BCLAF1: variants seen among roughly 807,000 people sequenced by gnomAD.
The protein encoded by BCLAF1 is BCL2 associated transcription factor 1, also known as bcl-2-associated transcription factor 1.
A neutral mutation model predicts 99.5 loss-of-function variants in BCLAF1; 10 were observed. That is an observed-to-expected ratio of 0.10 (90% CI 0.06 to 0.17). BCLAF1 has a LOEUF of 0.17. Ranked by LOEUF, BCLAF1 falls within the 10% of genes least tolerant of loss-of-function variation. BCLAF1 has a pLI of 1.00. For synonymous variants in BCLAF1, 255 were observed against 370.9 expected (o/e 0.69, Z 3.59); for missense variants, 636 against 1,105.8 (o/e 0.58, Z 6.02).
chr6:136,270,799 T>G (rs1389463274), intron 8 of BCLAF1, among the ~76,000 whole-genome samples: 1 of 151,814 alleles, frequency 6.6e-6, no homozygotes, highest in Non-Finnish European at 1.5e-5. Flanking sequence ...CAAAATCTGG[T>G]CTATGTAATG....
intron 6 of BCLAF1, 69 bp downstream of exon 6, chr6:136,275,463 A>C: frequency 7.2e-7 from 1 of 1,388,378 alleles, no homozygotes; most frequent in Non-Finnish European, 9.6e-7. Context: ...ATTATTAAGC[A>C]TAATTACACA....
At chr6:136,272,131 A>G in intron 7 of BCLAF1, 52 bp from the exon 8 acceptor site, 5 of 1,270,224 alleles carry the variant, frequency 3.9e-6, no homozygotes, top group Non-Finnish European at 5.5e-6. Context: ...TTTTTGGTTC[A>G]AAAACATCCA....
At chr6:136,270,130 T>C (rs548417462) in intron 8 of BCLAF1, among the ~76,000 whole-genome samples, 1 of 151,774 alleles carries the variant, frequency 6.6e-6, no homozygotes, top group South Asian at 2.1e-4. Flanking sequence ...AAAAAAAAAC[T>C]TCAGAAGTAA....
At position 136,258,119 on chromosome 6, in the gene BCLAF1, T is replaced by C. The variant is rs559972919; in HGVS notation, c.*2991A>G. On this transcript the variant is annotated 3_prime_UTR_variant, in exon 13 of 13. Transcript: ENST00000531224. ...GTACACAAATTTCTGTGAAAATGCT[T>C]TGTTAAAACTGACAGGATGGCACAT... The C allele has an allele frequency of 6.6e-5, 10 of 152,208 alleles. No individual in the cohort carries two copies. In the East Asian group the frequency reaches 1.5e-3, roughly 23 times the overall value. 9.4% of individuals were successfully genotyped at this position (152,208 alleles called of 1,614,324 possible). A position where few individuals can be genotyped will look rare whatever the true frequency, so the allele number is the denominator to read the frequency against.
rs748110698 is a variant in BCLAF1, at chr6:136,278,123, G to A, written c.758C>T (p.Ser253Phe). Residue 253 changes from serine (S) to phenylalanine (F), a missense_variant, in exon 4 of 13, where the codon TCT becomes TTT. Ser to Phe is a radical substitution (Grantham distance 155). Around this residue, in one of 9 missense-constraint regions of BCLAF1, gnomAD observed 65 missense variants for 90.9 expected, o/e 0.71. Transcript: ENST00000531224. ...ATGCTGAGAAGGAGTATTTTTTGCA[G>A]AGTGAACTGTACTGAGCATGGGAGC... ...SDAPMLSTVHSAKNTPSQHSH... is the reference protein window; with the variant it reads ...SDAPMLSTVHFAKNTPSQHSH... The A allele has an allele frequency of 2.5e-6, 4 of 1,603,762 alleles. No homozygotes were observed. The highest frequency in any genetic ancestry group is 3.4e-6 in the Non-Finnish European group (4 of 1,173,614).
At chr6:136,286,563 A>G (rs1785160987) in intron 1 of BCLAF1, among the ~76,000 whole-genome samples, 1 of 152,224 alleles carries the variant, frequency 6.6e-6, no homozygotes, top group South Asian at 2.1e-4. Context: ...TTGTTTAGGC[A>G]GCCTTTCTGC....
chr6:136,279,672 C>A, intron 3 of BCLAF1, 91 bp downstream of exon 3: 1 of 1,206,424 alleles, frequency 8.3e-7, no homozygotes. Flanking sequence ...GAATAAAATA[C>A]ATTTTGGGGT....
At chr6:136,289,014 G>C (rs986464254) in intron 1 of BCLAF1, among the ~76,000 whole-genome samples, 3 of 152,320 alleles carry the variant, frequency 2.0e-5, no homozygotes, top group African/African-American at 4.8e-5. Flanking sequence ...TCAACAGCGC[G>C]CGCTCGCTTC....
rs36141174 is a variant in BCLAF1, at chr6:136,284,130, G to GTGTGTATATATATA, written c.-114-1444_-114-1443insTATATATATACACA. ...TATACATATATATGTGTGTGTGTGT[G>GTGTGTATATATATA]TATATATATATATATATATATATAT... is the stretch of plus-strand genomic sequence containing the variant. On this transcript the variant is annotated intron_variant, in intron 1 of 12. Coordinates refer to ENST00000531224, the MANE Select transcript of BCLAF1 (RefSeq NM_014739.3). Among the ~76,000 whole-genome samples, 553 of 122,062 alleles carry GTGTGTATATATATA rather than the reference G, an allele frequency of 4.5e-3. 12 individuals are homozygous for GTGTGTATATATATA. The highest frequency in any genetic ancestry group is 0.019 in the African/African-American group (462 of 24,518). The allele number at this position is 122,062 out of a possible 152,430, so 80.1% of individuals were successfully genotyped here.
rs761935334 is a variant in BCLAF1 at position 136,272,070 on chromosome 6, G to A, written c.1968C>T (p.Asp656=). The A allele has an allele frequency of 1.3e-6, 2 of 1,592,496 alleles. No individual in the cohort carries two copies. Among genetic ancestry groups the A allele is most frequent in the Non-Finnish European group, 8.6e-7 (1 of 1,165,326 alleles). Residue 656 remains aspartate (D), a synonymous_variant, in exon 8 of 13, where the codon GAC becomes GAT. Coordinates refer to ENST00000531224, the MANE Select transcript of BCLAF1 (RefSeq NM_014739.3). The stretch of plus-strand genomic sequence containing the variant: ...GCTTCCTCAGGGTACTTGGTGAGAT[G>A]TCAATTCTCCTTAATGTAAAATAAA... ...QKSPEIHRRI[D]ISPSTLRKHT...
intron 11 of BCLAF1, among the ~76,000 whole-genome samples, chr6:136,263,168 T>C (rs1183253846): frequency 1.3e-5 from 2 of 152,190 alleles, no homozygotes; most frequent in Non-Finnish European, 2.9e-5. Flanking sequence ...ACTGAGGCAC[T>C]GAGAAATTAA....
chr6:136,280,203 G>C (rs1004101215), intron 2 of BCLAF1, among the ~76,000 whole-genome samples: 9 of 152,088 alleles, frequency 5.9e-5, no homozygotes, highest in Non-Finnish European at 1.2e-4. Flanking sequence ...GTTATTCCAC[G>C]CCCAATACAA....
At position 136,256,667 on chromosome 6, in the gene BCLAF1, C is replaced by CTAAATAAATAAA. The variant is rs1780498451; in HGVS notation, c.*4442_*4443insTTTATTTATTTA. On this transcript the variant is annotated 3_prime_UTR_variant, in exon 13 of 13. Coordinates refer to ENST00000531224, the MANE Select transcript of BCLAF1 (RefSeq NM_014739.3). ...CACTCTAGTCTGGGTAAGACTCCAT[C>CTAAATAAATAAA]TCAATAAATAAATAAATAAATAAAT... is the stretch of plus-strand genomic sequence containing the variant. 1 of 115,412 alleles carries CTAAATAAATAAA rather than the reference C, an allele frequency of 8.7e-6. No homozygotes were observed. The highest frequency in any genetic ancestry group is 1.8e-5 in the Non-Finnish European group (1 of 56,482). The allele number at this position is 115,412 out of a possible 1,614,324, so 7.1% of individuals were successfully genotyped here.
At chr6:136,281,188 TCTCTCA>T (rs1333894768) in intron 2 of BCLAF1, among the ~76,000 whole-genome samples, 1 of 152,140 alleles carries the variant, frequency 6.6e-6, no homozygotes, top group Non-Finnish European at 1.5e-5. Flanking sequence ...ACCTTTGTCT[TCTCTCA>T]CTCTTCTTCT....
At chr6:136,277,507 G>A (rs1783597565) in intron 4 of BCLAF1, among the ~76,000 whole-genome samples, 1 of 150,962 alleles carries the variant, frequency 6.6e-6, no homozygotes. Context: ...AAATTAAGAG[G>A]AGGGATAGAA....
At chr6:136,266,045 T>A (rs1395756471) in intron 11 of BCLAF1, among the ~76,000 whole-genome samples, 3 of 146,392 alleles carry the variant, frequency 2.0e-5, no homozygotes, top group African/African-American at 7.5e-5. Flanking sequence ...ACTCTGTAAC[T>A]TTTTTTTTTT....
At chr6:136,288,142 C>T (rs1775374536) in intron 1 of BCLAF1, among the ~76,000 whole-genome samples, 3 of 152,350 alleles carry the variant, frequency 2.0e-5, no homozygotes, top group Middle Eastern at 3.4e-3. Context: ...AAACAGCTTC[C>T]TTTGCCACCA....
rs564913809 is a variant in BCLAF1, at chr6:136,260,331, T to G, written c.*779A>C. 2.0e-5 allele frequency: 3 copies of G among 152,126 alleles called. No homozygotes were observed. The highest frequency in any genetic ancestry group is 7.2e-5 in the African/African-American group (3 of 41,564). The allele number at this position is 152,126 out of a possible 1,614,324, so 9.4% of individuals were successfully genotyped here. On this transcript the variant is annotated 3_prime_UTR_variant, in exon 13 of 13. Coordinates refer to ENST00000531224, the MANE Select transcript of BCLAF1 (RefSeq NM_014739.3). ...TTTGCAGTATTGTTACAAACCAGTT[T>G]CCTCTCACAAATAGCTAATATCTAA... is the stretch of plus-strand genomic sequence containing the variant.
At chr6:136,271,178 G>C (rs915776991) in intron 8 of BCLAF1, among the ~76,000 whole-genome samples, 1 of 151,608 alleles carries the variant, frequency 6.6e-6, no homozygotes, top group African/African-American at 2.4e-5. Context: ...AATTAGAAAA[G>C]CAAGGTTCAA....
Sources: gnomAD v4.1 joint callset for allele counts (sites outside exome capture counted in the v4.1 genomes callset) on GRCh38, gnomAD v4.1.1 for gene constraint, gnomAD v4.1.1 regional missense constraint, MANE v1.5 for transcripts, NCBI Gene and HGNC (gene_info 2026-07-23, HGNC 2026-07-21) for gene names.